ABCA4: variants seen among roughly 807,000 people sequenced by gnomAD.
ABCA4 encodes retinal-specific phospholipid-transporting ATPase ABCA4.
ABCA4 carries 196 observed loss-of-function variants against 263.7 expected under a neutral mutation model. The ratio of observed to expected loss-of-function variants is 0.74; its 90% CI spans 0.66 to 0.84. The LOEUF is 0.84. Ranked by LOEUF, ABCA4 falls within the 40% of genes least tolerant of loss-of-function variation. The probability of loss-of-function intolerance (pLI) is 0.00; values close to 1 mark genes in which losing one functional copy is unlikely to be tolerated. For synonymous variants in ABCA4, 1,133 were observed against 1,094.2 expected, an observed-to-expected ratio of 1.04 and a Z score of -0.70; for missense variants, 2,792 against 2,855.1, an observed-to-expected ratio of 0.98 and a Z score of 0.50.
intron 49 of ABCA4, among the ~76,000 whole-genome samples, chr1:93,994,843 G>C (rs1658954449): frequency 1.3e-5 from 2 of 152,194 alleles, no homozygotes; most frequent in African/African-American, 4.8e-5. Context: ...CTGATGTTCT[G>C]CCTGGCCCAG....
intron 38 of ABCA4, among the ~76,000 whole-genome samples, chr1:94,012,396 C>G (rs993689365): frequency 1.3e-5 from 2 of 152,208 alleles, no homozygotes; most frequent in East Asian, 1.9e-4. Flanking sequence ...CCCTTACAAG[C>G]CTTCCAAGAT....
At chr1:94,088,331 G>A (rs1162375871) in intron 6 of ABCA4, among the ~76,000 whole-genome samples, 1 of 152,146 alleles carries the variant, frequency 6.6e-6, no homozygotes, top group African/African-American at 2.4e-5. Context: ...CCCCTGAAGT[G>A]CTGAGGTTCC....
chr1:93,995,793 C>G (rs1658982654), intron 49 of ABCA4, among the ~76,000 whole-genome samples: 1 of 152,226 alleles, frequency 6.6e-6, no homozygotes, highest in Non-Finnish European at 1.5e-5. Flanking sequence ...CAAATCCAAG[C>G]TTTTTTGCTG....
intron 5 of ABCA4, among the ~76,000 whole-genome samples, chr1:94,101,607 G>C (rs528985533): frequency 1.3e-4 from 20 of 152,326 alleles, no homozygotes; most frequent in Non-Finnish European, 2.5e-4. Context: ...ACAGCACCCT[G>C]TGCAGACCTT....
intron 27 of ABCA4, among the ~76,000 whole-genome samples, chr1:94,031,547 AT>A (rs1281586292): frequency 6.6e-6 from 1 of 152,184 alleles, no homozygotes; most frequent in African/African-American, 2.4e-5. Flanking sequence ...CAATATTAAC[AT>A]TTTCACTATT....
chr1:94,036,797 A>G lies in ABCA4; in HGVS notation c.3814-9T>C. On this transcript the variant is annotated splice_polypyrimidine_tract_variant and intron_variant, in intron 25 of 49. Coordinates refer to ENST00000370225, the MANE Select transcript of ABCA4 (RefSeq NM_000350.3). ...GTGACCTTCAGAAAAATCTGTCAAGAAGAAAAAAAGAGAGAATTTTGTTTA... is the reference window on the plus strand; with the variant it reads ...GTGACCTTCAGAAAAATCTGTCAAGGAGAAAAAAAGAGAGAATTTTGTTTA... The G allele has an allele frequency of 6.2e-7, 1 of 1,613,840 alleles. No individual in the cohort carries two copies. The highest frequency in any genetic ancestry group is 8.5e-7 in the Non-Finnish European group (1 of 1,179,694).
In ABCA4 at chr1:94,077,798, G is replaced by C. The variant is rs905832169; in HGVS notation, c.1446C>G (p.Leu482=). ...CCTGGCTTTCCCGAGGGCCCTTGTA[G>C]AGGAAGTTTAGGATGGCTTCAGCAG... ...GITAEAILNF[L]YKGPRESQAD... Residue 482 remains leucine, a synonymous_variant, in exon 11 of 50, where the codon CTC becomes CTG. Transcript: ENST00000370225. 2.5e-6 allele frequency: 4 copies of C among 1,614,102 alleles called. No individual in the cohort carries two copies. The highest frequency in any genetic ancestry group is 1.1e-5 in the South Asian group (1 of 91,086).
intron 19 of ABCA4, chr1:94,045,760 C>G (rs958309321): frequency 1.3e-5 from 6 of 456,170 alleles, no homozygotes; most frequent in Non-Finnish European, 2.2e-5. Context: ...TCACACTGAA[C>G]CGCCCTAGAG....
chr1:94,033,445 A>G (rs1276849594), intron 26 of ABCA4, among the ~76,000 whole-genome samples: 1 of 152,000 alleles, frequency 6.6e-6, no homozygotes, highest in Non-Finnish European at 1.5e-5. Context: ...AAAGAAAAAA[A>G]AAAAGAACAT....
Position 94,025,061 on chromosome 1 carries a change from G to A in ABCA4, c.4540-13C>T, listed in dbSNP as rs781328046. On this transcript the variant is annotated splice_polypyrimidine_tract_variant and intron_variant, in intron 30 of 49. Transcript: ENST00000370225. ...TGCGCTGTGTTCTCTGAGGCAATGA[G>A]ACACCCACGTTAATTACCTTGGAAC... The A allele has an allele frequency of 1.9e-5, 31 of 1,609,152 alleles. No individual in the cohort carries two copies. Among genetic ancestry groups the A allele is most frequent in the Non-Finnish European group, 2.5e-5 (29 of 1,175,554 alleles).
At position 94,008,317 on chromosome 1, in the gene ABCA4, C is replaced by T. The variant is rs760467492; in HGVS notation, c.5836-20G>A. 83 of 1,612,342 alleles carry T rather than the reference C, an allele frequency of 5.1e-5. No individual in the cohort carries two copies. The highest frequency in any genetic ancestry group is 5.9e-5 in the Non-Finnish European group (69 of 1,178,574). On this transcript the variant is annotated intron_variant, in intron 41 of 49. Coordinates refer to ENST00000370225, the MANE Select transcript of ABCA4 (RefSeq NM_000350.3). ...ATAAATCTGCAAGATACGAAGAAAC[C>T]GGACTGAGAACTGAGACAGGGTGAG... is the stretch of plus-strand genomic sequence containing the variant.
In ABCA4 at chr1:94,077,661, G is replaced by T. The variant is rs771473797; in HGVS notation, c.1554+29C>A. ...CCCACTCATGGGGCTATCTTCAAGG[G>T]GCCCACTGTGGGGCTTGCAGCCCCT... On this transcript the variant is annotated intron_variant, in intron 11 of 49. Coordinates refer to ENST00000370225, the MANE Select transcript of ABCA4 (RefSeq NM_000350.3). The T allele has an allele frequency of 1.9e-6, 3 of 1,586,924 alleles. No homozygotes were observed. The South Asian group carries it at 3.4e-5, about 18-fold the overall frequency.
chr1:94,077,894 A>G lies in ABCA4; in HGVS notation c.1357-7T>C. On this transcript the variant is annotated splice_polypyrimidine_tract_variant and splice_region_variant and intron_variant, in intron 10 of 49. Coordinates refer to ENST00000370225, the MANE Select transcript of ABCA4 (RefSeq NM_000350.3). ...TTGGGTTCCCCAGGGTATCCTTGGG[A>G]AGAAGAAATACAGTCACTGCTCTGC... 1 of 1,612,282 alleles carries G rather than the reference A, an allele frequency of 6.2e-7. No individual in the cohort carries two copies. Among genetic ancestry groups the G allele is most frequent in the Non-Finnish European group, 8.5e-7 (1 of 1,178,352 alleles).
At chr1:94,108,860 C>T (rs191396638) in intron 3 of ABCA4, 144 bp from the exon 4 acceptor site, 3 of 1,056,106 alleles carry the variant, frequency 2.8e-6, no homozygotes, top group African/African-American at 1.6e-5. Flanking sequence ...GCAAGCTCTG[C>T]CCCCCGGGTT....
chr1:94,060,633 A>AT lies in ABCA4; in HGVS notation c.2063dup (p.Asn688LysfsTer78). 6.2e-7 allele frequency: 1 copy of AT among 1,614,122 alleles called. No individual in the cohort carries two copies. ...AAATCACTGCATTGGAGACACCCTG[A>AT]TTTTTCAAGGTCTCCTTCAGTCGCA... On this transcript the variant is annotated frameshift_variant, in exon 14 of 50. Transcript: ENST00000370225. LOFTEE classifies it high-confidence loss of function.
At chr1:94,074,998 C>T (rs1368742676) in intron 11 of ABCA4, among the ~76,000 whole-genome samples, 2 of 152,152 alleles carry the variant, frequency 1.3e-5, no homozygotes, top group Non-Finnish European at 1.5e-5. Context: ...GGAATGAGAT[C>T]ATGTCCTTTG....
intron 6 of ABCA4, among the ~76,000 whole-genome samples, chr1:94,092,678 A>G (rs1156566329): frequency 1.3e-5 from 2 of 150,588 alleles, no homozygotes; most frequent in African/African-American, 4.9e-5. Context: ...AAGTTATGAG[A>G]CTCTTTGGCT....
intron 31 of ABCA4, 51 bp downstream of exon 31, chr1:94,024,903 A>G (rs1444656422): frequency 1.4e-6 from 2 of 1,452,394 alleles, no homozygotes; most frequent in Non-Finnish European, 1.9e-6. Flanking sequence ...TCCCTAGTTA[A>G]TATCTTCTAC....
intron 6 of ABCA4, among the ~76,000 whole-genome samples, chr1:94,097,965 G>T (rs1037835757): frequency 6.6e-6 from 1 of 152,122 alleles, no homozygotes; most frequent in African/African-American, 2.4e-5. Context: ...CACCGTGTTA[G>T]CCAGGATGGT....
Sources: allele counts gnomAD v4.1 joint callset (sites outside exome capture counted in the v4.1 genomes callset), GRCh38; gene constraint gnomAD v4.1.1; transcripts MANE v1.5; gene names NCBI Gene and HGNC (gene_info 2026-07-23, HGNC 2026-07-21).